Variants in CCM2 observed in about 807,000 individuals in gnomAD.
CCM2 encodes CCM2 scaffold protein.
In CCM2, 25 loss-of-function variants were observed where a neutral mutation model predicts 44.9. That is an observed-to-expected ratio of 0.56 (90% CI 0.41 to 0.78). CCM2 has a LOEUF of 0.78. Among genes scored for constraint, CCM2 ranks in the 30% least tolerant of loss-of-function variants. The pLI, the probability that CCM2 is intolerant of heterozygous loss-of-function variation, is 0.00. For missense variants in CCM2, 481 were observed against 580.6 expected (o/e 0.83, Z 1.76); for synonymous variants, 219 against 241.1 (o/e 0.91, Z 0.85).
At chr7:45,055,697 A>G (rs1798225142) in intron 2 of CCM2, among the ~76,000 whole-genome samples, 1 of 152,192 alleles carries the variant, frequency 6.6e-6, no homozygotes, top group Non-Finnish European at 1.5e-5. Context: ...CAAAAAAAAG[A>G]TTTACTGTCT....
At chr7:45,072,342 C>T (rs1360828233) in intron 6 of CCM2, 10 of 365,236 alleles carry the variant, frequency 2.7e-5, no homozygotes, top group Non-Finnish European at 4.8e-5. Context: ...GACTTACTTC[C>T]TAATCTACAA....
Position 45,038,381 on chromosome 7 carries a change from C to T in CCM2, c.159C>T (p.Val53=), listed in dbSNP as rs773845177. ...TGGTGTTGTCATTGCCTGAGCGCGT[C>T]GAGCCAGACAGACTGCTGAGCGACT... ...HTVVLSLPER[V]EPDRLLSDYI... Residue 53 remains valine (V), a synonymous_variant, in exon 2 of 10, where the codon GTC becomes GTT. Transcript: ENST00000258781. 6.8e-6 allele frequency: 11 copies of T among 1,614,088 alleles called. No homozygotes were observed. The highest frequency in any genetic ancestry group is 2.2e-5 in the East Asian group (1 of 44,884).
chr7:45,067,389 C>A (rs1188723269), intron 4 of CCM2, among the ~76,000 whole-genome samples: 1 of 151,962 alleles, frequency 6.6e-6, no homozygotes, highest in Non-Finnish European at 1.5e-5. Flanking sequence ...TCTTGAACTC[C>A]TGACCTCAGG....
chr7:45,011,405 C>T (rs879482633), intron 1 of CCM2, among the ~76,000 whole-genome samples: 6 of 151,990 alleles, frequency 3.9e-5, no homozygotes, highest in East Asian at 3.8e-4. Context: ...CCATGTTGGC[C>T]GGGCTCCTCT....
intron 2 of CCM2, among the ~76,000 whole-genome samples, chr7:45,051,660 A>C (rs1479961433): frequency 6.6e-6 from 1 of 152,150 alleles, no homozygotes; most frequent in Non-Finnish European, 1.5e-5. Context: ...TCCCGGGTTC[A>C]TGCCATTCTC....
At chr7:45,050,714 T>C (rs1020789322) in intron 2 of CCM2, among the ~76,000 whole-genome samples, 4 of 152,240 alleles carry the variant, frequency 2.6e-5, no homozygotes, top group Non-Finnish European at 4.4e-5. Flanking sequence ...TCTTTTCTTA[T>C]ATCTTTGCAG....
rs34095527 is a variant in CCM2 at position 45,022,290 on chromosome 7, C to CTTT, written c.31-15936_31-15934dup. Among the ~76,000 whole-genome samples the CTTT allele has an allele frequency of 7.0e-4, 32 of 45,450 alleles. 3 individuals carry two copies. The highest frequency in any genetic ancestry group is 1.8e-3 in the African/African-American group (20 of 11,174). The allele number at this position is 45,450 out of a possible 152,430, so 29.8% of individuals were successfully genotyped here. A position where few individuals can be genotyped will look rare whatever the true frequency, so the allele number is the denominator to read the frequency against. On this transcript the variant is annotated intron_variant, in intron 1 of 9. Coordinates refer to ENST00000258781, the MANE Select transcript of CCM2 (RefSeq NM_031443.4). The stretch of plus-strand genomic sequence containing the variant: ...GGATCATTATTTTTTTTTGGACCAG[C>CTTT]TTTTTTTTTTTTTTTTTTTTTTTTT...
At chr7:45,026,101 G>A (rs1278808934) in intron 1 of CCM2, among the ~76,000 whole-genome samples, 1 of 152,190 alleles carries the variant, frequency 6.6e-6, no homozygotes, top group Non-Finnish European at 1.5e-5. Flanking sequence ...AAATAGAGGT[G>A]AGGCTGCTCA....
In CCM2 at chr7:45,014,032, G is replaced by A. The variant is rs1583848256; in HGVS notation, c.30+13669G>A. On this transcript the variant is annotated intron_variant, in intron 1 of 9. Transcript: ENST00000258781. ...TTCTTATTTTACTTACAAGACTGTA[G>A]TTCTCTAGTATCCTTATTTATTTTG... Among the ~76,000 whole-genome samples the A allele has an allele frequency of 2.6e-5, 4 of 152,144 alleles. No individual in the cohort carries two copies. The East Asian group carries it at 5.8e-4, about 22-fold the overall frequency.
At chr7:45,040,506 A>G (rs1330127114) in intron 2 of CCM2, among the ~76,000 whole-genome samples, 1 of 152,282 alleles carries the variant, frequency 6.6e-6, no homozygotes, top group East Asian at 1.9e-4. Context: ...GACTCCCAAG[A>G]AAAAAGAATG....
intron 2 of CCM2, among the ~76,000 whole-genome samples, chr7:45,052,370 CTAAG>C (rs577024970): frequency 6.4e-4 from 98 of 152,274 alleles, no homozygotes; most frequent in African/African-American, 2.3e-3. Context: ...TTGCTTGTGC[CTAAG>C]TATGTGAACC....
chr7:45,073,403 G>A (rs866890039), intron 7 of CCM2, 57 bp from the exon 8 acceptor site: 6 of 1,178,650 alleles, frequency 5.1e-6, no homozygotes, highest in South Asian at 2.5e-5. Context: ...TTCCTGAAAC[G>A]TGTGTGGGAT....
intron 3 of CCM2, 122 bp from the exon 4 acceptor site, chr7:45,064,337 CACTG>C (rs1798663035): frequency 2.2e-6 from 2 of 928,926 alleles, no homozygotes; most frequent in South Asian, 2.8e-5. Flanking sequence ...AGGGGAATAA[CACTG>C]ACCTTATTCA....
At chr7:45,051,340 G>T (rs1224104241) in intron 2 of CCM2, among the ~76,000 whole-genome samples, 1 of 152,184 alleles carries the variant, frequency 6.6e-6, no homozygotes, top group Non-Finnish European at 1.5e-5. Context: ...TCATCTCCCA[G>T]CTGGCCACAG....
chr7:45,025,467 T>C (rs924895215), intron 1 of CCM2, among the ~76,000 whole-genome samples: 2 of 152,208 alleles, frequency 1.3e-5, no homozygotes, highest in African/African-American at 4.8e-5. Context: ...ATTCTACGAA[T>C]TTTTTATTTT....
At chr7:45,034,342 G>A (rs1014346213) in intron 1 of CCM2, among the ~76,000 whole-genome samples, 3 of 151,964 alleles carry the variant, frequency 2.0e-5, no homozygotes, top group African/African-American at 7.3e-5. Flanking sequence ...CTCCTGAGTA[G>A]CTGGGATTAC....
At chr7:45,001,555 G>A (rs142476462) in intron 1 of CCM2, among the ~76,000 whole-genome samples, 2 of 152,344 alleles carry the variant, frequency 1.3e-5, no homozygotes, top group African/African-American at 4.8e-5. Flanking sequence ...TGTGGATGAT[G>A]CTGAGCTTTG....
Position 45,064,387 on chromosome 7 carries a change from C to A in CCM2, c.289-76C>A, listed in dbSNP as rs911799028. On this transcript the variant is annotated intron_variant, in intron 3 of 9. Transcript: ENST00000258781. ...GTCACATGTGTGACATCGGCCAGCA[C>A]AATATTCTCAGGAGAAGCGCCCCAT... 14 of 1,436,226 alleles carry A rather than the reference C, an allele frequency of 9.7e-6. No individual in the cohort carries two copies. In the African/African-American group the frequency reaches 2.0e-4, roughly 20 times the overall value. 89.0% of individuals were successfully genotyped at this position (1,436,226 alleles called of 1,614,324 possible).
intron 1 of CCM2, among the ~76,000 whole-genome samples, chr7:45,015,811 G>A (rs10227754): frequency 0.082 from 12,523 of 152,210 alleles, 1,198 homozygotes; most frequent in African/African-American, 0.23. Flanking sequence ...CATGCTTCCC[G>A]TCTTGTCCTT....
Sources: allele counts gnomAD v4.1 joint callset (sites outside exome capture counted in the v4.1 genomes callset), GRCh38; gene constraint gnomAD v4.1.1; transcripts MANE v1.5; gene names NCBI Gene and HGNC (gene_info 2026-07-23, HGNC 2026-07-21).